WNK2: variants seen among roughly 807,000 people sequenced by gnomAD.
WNK2 encodes serine/threonine-protein kinase WNK2.
A neutral mutation model predicts 192.1 loss-of-function variants in WNK2; 67 were observed. That is an observed-to-expected ratio of 0.35 (90% CI 0.29 to 0.43). The LOEUF is 0.43. Among genes scored for constraint, WNK2 ranks in the 20% least tolerant of loss-of-function variants. The probability of loss-of-function intolerance (pLI) is 1.00; values close to 1 mark genes in which losing one functional copy is unlikely to be tolerated. For synonymous variants in WNK2, 1,439 were observed against 1,393.9 expected (o/e 1.03, Z -0.72); for missense variants, 2,698 against 3,089.7 (o/e 0.87, Z 3.01).
chr9:93,231,604 G>A (rs1322314278), intron 4 of WNK2, among the ~76,000 whole-genome samples: 1 of 152,256 alleles, frequency 6.6e-6, no homozygotes, highest in Admixed American at 6.5e-5. Context: ...TGAGGCCCAA[G>A]GAAGTGAGAA....
Position 93,259,090 on chromosome 9 carries a change from C to A in WNK2, c.2542C>A (p.Pro848Thr), listed in dbSNP as rs1420321793. Residue 848 changes from proline (P) to threonine (T), a missense_variant, in exon 12 of 30, where the codon CCC (proline) becomes ACC (threonine). Pro to Thr is a conservative substitution (Grantham distance 38). This residue lies in a region of WNK2 where 893 missense variants were observed against 909.0 expected (regional missense o/e 0.98). Transcript: ENST00000427277. This position sits in a 1 kb window ranked among gnomAD's most constrained non-coding sequence, Gnocchi z 4.8. Reference protein sequence around the residue: ...VILPSLAAPLPPASPALPLQA... With the variant: ...VILPSLAAPLTPASPALPLQA... The stretch of plus-strand genomic sequence containing the variant: ...CTTGCCGAGCCTCGCTGCCCCACTC[C>A]CCCCTGCGTCCCCAGCCTTGCCTCT... The A allele has an allele frequency of 6.2e-7, 1 of 1,612,924 alleles. No homozygotes were observed. Among genetic ancestry groups the A allele is most frequent in the East Asian group, 2.2e-5 (1 of 44,862 alleles).
In WNK2 at chr9:93,303,318, G is replaced by A. The variant is rs1057250213; in HGVS notation, c.6214+3169G>A. On this transcript the variant is annotated intron_variant, in intron 26 of 29. Transcript: ENST00000427277. ...GGTCGTGGTTCTGTTGGTTCTGCTT[G>A]TCAGAAGCTGGGGTCCTTCTGGATC... is the stretch of plus-strand genomic sequence containing the variant. 3.3e-5 allele frequency among the ~76,000 whole-genome samples: 5 copies of A among 152,184 alleles called. No homozygotes were observed. In the East Asian group the frequency reaches 9.6e-4, roughly 29 times the overall value.
intron 6 of WNK2, among the ~76,000 whole-genome samples, chr9:93,238,867 C>G (rs1245266559): frequency 6.6e-6 from 1 of 152,150 alleles, no homozygotes; most frequent in Non-Finnish European, 1.5e-5. Context: ...CCCTGTTGGT[C>G]AGGTGGAAGG....
chr9:93,259,430 C>T lies in WNK2; in HGVS notation c.2882C>T (p.Thr961Met), dbSNP rs1265145472. Residue 961 changes from threonine (T) to methionine (M), a missense_variant, in exon 12 of 30, where the codon ACG becomes ATG. Coordinates refer to ENST00000427277, the MANE Select transcript of WNK2 (RefSeq NM_006648.4). This position sits in a 1 kb window ranked among gnomAD's most constrained non-coding sequence, Gnocchi z 4.8. Reference protein sequence around the residue: ...PPQPVLPPQPTLPPQPVLPPQ... With the variant: ...PPQPVLPPQPMLPPQPVLPPQ... ...CAACCCGTGCTGCCCCCGCAACCCA[C>T]GCTGCCCCCTCAACCTGTGTTGCCC... The T allele has an allele frequency of 8.5e-6, 13 of 1,532,682 alleles. No individual in the cohort carries two copies. Among genetic ancestry groups the T allele is most frequent in the South Asian group, 3.6e-5 (3 of 83,202 alleles). The allele number at this position is 1,532,682 out of a possible 1,614,324, so 94.9% of individuals were successfully genotyped here. A position where few individuals can be genotyped will look rare whatever the true frequency, so the allele number is the denominator to read the frequency against.
chr9:93,206,695 C>T (rs987630601), intron 2 of WNK2, among the ~76,000 whole-genome samples: 24 of 152,342 alleles, frequency 1.6e-4, no homozygotes, highest in African/African-American at 5.8e-4. Context: ...CCCAATGCTT[C>T]TGCTGCCATC....
At chr9:93,248,097 C>T (rs1434442288) in intron 8 of WNK2, among the ~76,000 whole-genome samples, 1 of 152,262 alleles carries the variant, frequency 6.6e-6, no homozygotes, top group Non-Finnish European at 1.5e-5. Flanking sequence ...CTTCTGCCAG[C>T]ACCTTTGGTG....
At chr9:93,207,480 A>C (rs1442034755) in intron 2 of WNK2, among the ~76,000 whole-genome samples, 1 of 152,184 alleles carries the variant, frequency 6.6e-6, no homozygotes, top group African/African-American at 2.4e-5. Context: ...GCCCAGGGTG[A>C]TCAGGCCAGC....
Position 93,263,751 on chromosome 9 carries a change from T to G in WNK2, c.3579+17T>G, listed in dbSNP as rs1469520448. 63 of 1,083,072 alleles carry G rather than the reference T, an allele frequency of 5.8e-5. No individual in the cohort carries two copies. Among genetic ancestry groups the G allele is most frequent in the African/African-American group, 1.9e-4 (10 of 52,984 alleles). The allele number at this position is 1,083,072 out of a possible 1,614,324, so 67.1% of individuals were successfully genotyped here. Reference sequence around the variant, plus strand: ...ATCTTGAACGTGAGTGGGCGGGGCGTGGCGGGGGTGTGGTGGGGGTGGGGG... The same window carrying G: ...ATCTTGAACGTGAGTGGGCGGGGCGGGGCGGGGGTGTGGTGGGGGTGGGGG... On this transcript the variant is annotated intron_variant, in intron 15 of 29. Transcript: ENST00000427277.
chr9:93,239,091 AGGCTTCTTT>A lies in WNK2; in HGVS notation c.1323-663_1323-655del, dbSNP rs1481000985. ...GGGGGTTATAGGTTAGTGGTTAGGG[AGGCTTCTTT>A]GGGTGGCCAAGCCCTGCAGAGCCCC... On this transcript the variant is annotated intron_variant, in intron 6 of 29. Transcript: ENST00000427277. This position sits in a 1 kb window ranked among gnomAD's most constrained non-coding sequence, Gnocchi z 4.2. Among the ~76,000 whole-genome samples the A allele has an allele frequency of 6.6e-6, 1 of 152,164 alleles. No homozygotes were observed. The highest frequency in any genetic ancestry group is 1.5e-5 in the Non-Finnish European group (1 of 68,012).
chr9:93,272,516 A>T (rs1455646038), intron 19 of WNK2, among the ~76,000 whole-genome samples: 1 of 152,012 alleles, frequency 6.6e-6, no homozygotes, highest in Non-Finnish European at 1.5e-5. Flanking sequence ...GTTCGGGGGG[A>T]TCACCTGAGG....
rs1445077396 is a variant in WNK2 at position 93,239,823 on chromosome 9, C to G, written c.1389C>G (p.Leu463=). 6.3e-7 allele frequency: 1 copy of G among 1,585,376 alleles called. No individual in the cohort carries two copies. Among genetic ancestry groups the G allele is most frequent in the Non-Finnish European group, 8.6e-7 (1 of 1,166,438 alleles). ...FAEDTGVRVE[L]AEEDHGRKST... ...AGGACACAGGCGTGAGGGTGGAGCT[C>G]GCGGAGGAGGACCACGGCAGGAAGT... Residue 463 remains leucine (L), a synonymous_variant, in exon 7 of 30, where the codon CTC becomes CTG. Coordinates refer to ENST00000427277, the MANE Select transcript of WNK2 (RefSeq NM_006648.4). The surrounding 1 kb of genome is among the most constrained non-coding windows in gnomAD (Gnocchi z 4.2).
rs891323527 is a variant in WNK2 at position 93,305,043 on chromosome 9, G to A, written c.6215-1734G>A. On this transcript the variant is annotated intron_variant, in intron 26 of 29. Coordinates refer to ENST00000427277, the MANE Select transcript of WNK2 (RefSeq NM_006648.4). ...CAGTGAGTGAGTCCCAGCTCTGATC[G>A]CAGGTCCAGGCTCCCTCTGGTGGTT... is the stretch of plus-strand genomic sequence containing the variant. Among the ~76,000 whole-genome samples, 4 of 152,356 alleles carry A rather than the reference G, an allele frequency of 2.6e-5. No individual in the cohort carries two copies. The South Asian group carries it at 6.2e-4, about 24-fold the overall frequency.
chr9:93,268,904 CCT>C, intron 19 of WNK2, 158 bp downstream of exon 19: 1 of 1,563,884 alleles, frequency 6.4e-7, no homozygotes, highest in Non-Finnish European at 8.7e-7. Flanking sequence ...GGGCTGTGTT[CCT>C]ATCCTTGTTT....
chr9:93,237,461 G>A (rs1033477400), intron 5 of WNK2, among the ~76,000 whole-genome samples: 7 of 152,130 alleles, frequency 4.6e-5, no homozygotes, highest in Non-Finnish European at 1.0e-4. Context: ...TGAAGTGTTC[G>A]ATTCAGATGG....
intron 2 of WNK2, among the ~76,000 whole-genome samples, chr9:93,225,501 G>C (rs1588021767): frequency 6.6e-6 from 1 of 152,174 alleles, no homozygotes; most frequent in African/African-American, 2.4e-5. Context: ...CCTCTAAGAG[G>C]CACCATTGTT....
intron 29 of WNK2, chr9:93,318,939 T>C (rs1855181196): frequency 7.0e-7 from 1 of 1,423,648 alleles, no homozygotes; most frequent in South Asian, 1.6e-5. Context: ...GGGTAAATTA[T>C]TTTGGTTCAA....
intron 2 of WNK2, among the ~76,000 whole-genome samples, chr9:93,188,619 C>G (rs1217483580): frequency 6.6e-6 from 1 of 152,224 alleles, no homozygotes; most frequent in African/African-American, 2.4e-5. Flanking sequence ...CCGCCTTCCT[C>G]CTTGCCCACA....
intron 2 of WNK2, among the ~76,000 whole-genome samples, chr9:93,212,818 G>A (rs1170837939): frequency 6.6e-6 from 1 of 152,238 alleles, no homozygotes; most frequent in African/African-American, 2.4e-5. Flanking sequence ...GGAGGAAGGG[G>A]TGTTTCTTCA....
rs767702398 is a variant in WNK2, at chr9:93,256,370, G to A, written c.2106G>A (p.Pro702=). 17 of 1,578,120 alleles carry A rather than the reference G, an allele frequency of 1.1e-5. No homozygotes were observed. Among genetic ancestry groups the A allele is most frequent in the Non-Finnish European group, 1.3e-5 (15 of 1,168,394 alleles). Reference sequence around the variant, plus strand: ...CCCTCCAGCAGCACTTCCCGGATCCGGCCATGAGCTTCGCCCCCGTGCTGC... The same window carrying A: ...CCCTCCAGCAGCACTTCCCGGATCCAGCCATGAGCTTCGCCCCCGTGCTGC... The part of the protein sequence containing the change: ...PPSLQQHFPD[P]AMSFAPVLPP... The change falls in exon 10 of 30, where the codon CCG becomes CCA. Residue 702 remains proline (P), a synonymous_variant. Coordinates refer to ENST00000427277, the MANE Select transcript of WNK2 (RefSeq NM_006648.4).
Sources: allele counts gnomAD v4.1 joint callset (sites outside exome capture counted in the v4.1 genomes callset), GRCh38; gene constraint gnomAD v4.1.1; regional missense constraint gnomAD v4.1.1; non-coding constraint Gnocchi (gnomAD v3.1); transcripts MANE v1.5; gene names NCBI Gene and HGNC (gene_info 2026-07-23, HGNC 2026-07-21).